The following CDH8 variants were observed in gnomAD, a reference collection of about 807,000 sequenced individuals.
The protein encoded by CDH8 is cadherin 8.
A neutral mutation model predicts 68.1 loss-of-function variants in CDH8; 17 were observed. That is an observed-to-expected ratio of 0.25 (90% CI 0.17 to 0.37). The LOEUF is 0.37. Ranked by LOEUF, CDH8 falls within the 10% of genes least tolerant of loss-of-function variation. The probability of loss-of-function intolerance (pLI) is 1.00; values close to 1 mark genes in which losing one functional copy is unlikely to be tolerated. For synonymous variants in CDH8, 372 were observed against 365.1 expected, an observed-to-expected ratio of 1.02 and a Z score of -0.21; for missense variants, 763 against 999.3, an observed-to-expected ratio of 0.76 and a Z score of 3.19.
intron 2 of CDH8, among the ~76,000 whole-genome samples, chr16:62,008,436 T>G (rs1041475981): frequency 1.3e-5 from 2 of 152,238 alleles, no homozygotes; most frequent in South Asian, 4.1e-4. Flanking sequence ...TTCAGCTTTT[T>G]TTTGCTTGTG....
In CDH8 at chr16:61,647,818, C is replaced by T; in HGVS notation, c.*5790G>A. The T allele has an allele frequency of 1.4e-6, 1 of 699,718 alleles. No homozygotes were observed. Among genetic ancestry groups the T allele is most frequent in the Non-Finnish European group, 2.6e-6 (1 of 382,884 alleles). The allele number at this position is 699,718 out of a possible 1,614,324, so 43.3% of individuals were successfully genotyped here. A position where few individuals can be genotyped will look rare whatever the true frequency, so the allele number is the denominator to read the frequency against. ...TCCTGACCTCTGAGTTCATTGAAGC[C>T]ATGGTTTTCCACAGTCTTTCTCTTC... On this transcript the variant is annotated 3_prime_UTR_variant, in exon 12 of 12. Coordinates refer to ENST00000577390, the MANE Select transcript of CDH8 (RefSeq NM_001796.5).
At chr16:61,782,465 G>A (rs1961097480) in intron 8 of CDH8, among the ~76,000 whole-genome samples, 1 of 152,074 alleles carries the variant, frequency 6.6e-6, no homozygotes, top group Non-Finnish European at 1.5e-5. Context: ...CTGATTGCTA[G>A]CACAGCAGTC....
At chr16:61,801,771 G>A (rs947446787) in intron 7 of CDH8, among the ~76,000 whole-genome samples, 7 of 152,214 alleles carry the variant, frequency 4.6e-5, no homozygotes, top group Non-Finnish European at 8.8e-5. Flanking sequence ...CTTAAAAAGC[G>A]GCGAACCATG....
chr16:61,683,218 ACCT>A (rs1216081626), intron 10 of CDH8, among the ~76,000 whole-genome samples: 1 of 151,958 alleles, frequency 6.6e-6, no homozygotes, highest in Non-Finnish European at 1.5e-5. Context: ...AAAATTTTCA[ACCT>A]CCTTGAGTAT....
intron 8 of CDH8, among the ~76,000 whole-genome samples, chr16:61,753,824 C>T (rs1157187547): frequency 1.6e-4 from 25 of 151,986 alleles, no homozygotes; most frequent in Non-Finnish European, 1.5e-5. Context: ...TAAGCTCTTA[C>T]TTATTTGAGT....
chr16:61,922,654 C>A (rs778609978), intron 2 of CDH8, among the ~76,000 whole-genome samples: 18 of 152,060 alleles, frequency 1.2e-4, no homozygotes, highest in Non-Finnish European at 2.2e-4. Context: ...TTTTCATAAC[C>A]ATTCCCACTA....
intron 10 of CDH8, among the ~76,000 whole-genome samples, chr16:61,665,942 C>A (rs556576030): frequency 2.7e-5 from 4 of 150,278 alleles, no homozygotes; most frequent in Admixed American, 2.7e-4. Flanking sequence ...GTTTCCGTTA[C>A]TCACAGTCAG....
At chr16:61,678,395 G>C (rs1447371536) in intron 10 of CDH8, among the ~76,000 whole-genome samples, 1 of 152,016 alleles carries the variant, frequency 6.6e-6, no homozygotes, top group Non-Finnish European at 1.5e-5. Flanking sequence ...TGATGAAACT[G>C]CAACTTCCTC....
chr16:61,765,702 C>T (rs1420075194), intron 8 of CDH8, among the ~76,000 whole-genome samples: 1 of 151,964 alleles, frequency 6.6e-6, no homozygotes, highest in African/African-American at 2.4e-5. Flanking sequence ...TACCTCAACA[C>T]AGTACAATAA....
intron 9 of CDH8, among the ~76,000 whole-genome samples, chr16:61,720,686 AGAGTGAAGTATG>A (rs1051379523): frequency 6.6e-6 from 1 of 150,802 alleles, no homozygotes; most frequent in Non-Finnish European, 1.5e-5. Flanking sequence ...CCCATGGGGA[AGAGTGAAGTATG>A]GATCTTTCTT....
At chr16:61,719,872 C>T (rs1345281625) in intron 9 of CDH8, among the ~76,000 whole-genome samples, 1 of 150,720 alleles carries the variant, frequency 6.6e-6, no homozygotes, top group Admixed American at 6.6e-5. Flanking sequence ...CTCGAGATAC[C>T]ATATAATTTC....
intron 10 of CDH8, among the ~76,000 whole-genome samples, chr16:61,666,222 G>A (rs1424342936): frequency 1.5e-5 from 2 of 134,054 alleles, no homozygotes; most frequent in African/African-American, 5.7e-5. Context: ...ATATATATAT[G>A]TATATGGTTT....
In CDH8 at chr16:61,766,942, C is replaced by A. The variant is rs577583262; in HGVS notation, c.1414+22404G>T. ...GACTAACCTTTGAGCTGCAAGCATA[C>A]TTCACTGTTGGGATCCACGTACGTG... On this transcript the variant is annotated intron_variant, in intron 8 of 11. Transcript: ENST00000577390. 3.3e-5 allele frequency among the ~76,000 whole-genome samples: 5 copies of A among 152,058 alleles called. No homozygotes were observed. In the East Asian group the frequency reaches 9.7e-4, roughly 29 times the overall value.
intron 4 of CDH8, among the ~76,000 whole-genome samples, chr16:61,834,897 G>A (rs541553529): frequency 6.6e-6 from 1 of 151,900 alleles, no homozygotes; most frequent in African/African-American, 2.4e-5. Context: ...ACAAAGTCCC[G>A]CAGCCTGCAG....
Position 61,655,532 on chromosome 16 carries a change from A to G in CDH8, c.1844T>C (p.Leu615Pro). ...VQSCNVEAYV[L>P]PIGLSMGALI... ...GGCGCCCATACTGAGTCCAATTGGAAGGACATAAGCTTCGACATTGCAAGA... is the reference window on the plus strand; with the variant it reads ...GGCGCCCATACTGAGTCCAATTGGAGGGACATAAGCTTCGACATTGCAAGA... Residue 615 changes from leucine to proline, a missense_variant, in exon 11 of 12, where the codon CTT (leucine) becomes CCT (proline). By Grantham distance (98) the Leu-to-Pro change is moderately conservative. Coordinates refer to ENST00000577390, the MANE Select transcript of CDH8 (RefSeq NM_001796.5). The G allele has an allele frequency of 1.2e-6, 2 of 1,614,102 alleles. No individual in the cohort carries two copies. The highest frequency in any genetic ancestry group is 2.2e-5 in the South Asian group (2 of 91,084).
At position 61,789,383 on chromosome 16, in the gene CDH8, A is replaced by G; in HGVS notation, c.1377T>C (p.Ser459=). 1 of 1,612,882 alleles carries G rather than the reference A, an allele frequency of 6.2e-7. No homozygotes were observed. Among genetic ancestry groups the G allele is most frequent in the Non-Finnish European group, 8.5e-7 (1 of 1,179,246 alleles). The part of the protein sequence containing the change: ...TLATPLDREL[S]VWHNITIIAT... ...CAATGATTGTTATGTTGTGCCATAC[A>G]CTTAATTCTCTGTCAAGTGGTGTTG... Residue 459 remains serine (S), a synonymous_variant, in exon 8 of 12, where the codon AGT becomes AGC. Coordinates refer to ENST00000577390, the MANE Select transcript of CDH8 (RefSeq NM_001796.5).
chr16:61,853,719 C>T (rs926252852), intron 4 of CDH8, among the ~76,000 whole-genome samples: 1 of 152,076 alleles, frequency 6.6e-6, no homozygotes. Context: ...TAACGAGTCT[C>T]TGCTCATCCA....
At chr16:61,798,700 T>C in intron 7 of CDH8, among the ~76,000 whole-genome samples, 1 of 152,132 alleles carries the variant, frequency 6.6e-6, no homozygotes, top group Non-Finnish European at 1.5e-5. Flanking sequence ...GTGTTTGAGC[T>C]TAGGAAGTAA....
At chr16:61,887,155 A>G (rs1479295749) in intron 3 of CDH8, among the ~76,000 whole-genome samples, 4 of 152,186 alleles carry the variant, frequency 2.6e-5, no homozygotes, top group Non-Finnish European at 4.4e-5. Flanking sequence ...TTTAAAGGAT[A>G]GGAGTAGGAG....
Sources: allele counts gnomAD v4.1 joint callset (sites outside exome capture counted in the v4.1 genomes callset), GRCh38; gene constraint gnomAD v4.1.1; transcripts MANE v1.5; gene names NCBI Gene and HGNC (gene_info 2026-07-23, HGNC 2026-07-21).